UNC13C: variants seen among roughly 807,000 people sequenced by gnomAD.
UNC13C encodes protein unc-13 homolog C.
A neutral mutation model predicts 245.4 loss-of-function variants in UNC13C; 174 were observed. The ratio of observed to expected loss-of-function variants is 0.71; its 90% CI spans 0.63 to 0.80. The LOEUF is 0.80. UNC13C is among the 30% of genes least tolerant of loss of function. UNC13C has a pLI of 0.00. For synonymous variants in UNC13C, 992 were observed against 895.1 expected (o/e 1.11, Z -1.93); for missense variants, 2,829 against 2,602.9 (o/e 1.09, Z -1.89).
At chr15:53,839,772 A>G in the UNC13C span, among the ~76,000 whole-genome samples, 1 of 151,354 alleles carries the variant, frequency 6.6e-6, no homozygotes, top group Non-Finnish European at 1.5e-5. Flanking sequence ...TGGATTGATC[A>G]TTGTTGCTCT....
chr15:54,083,895 C>T (rs1899092746), intron 2 of UNC13C, among the ~76,000 whole-genome samples: 1 of 152,218 alleles, frequency 6.6e-6, no homozygotes, highest in Non-Finnish European at 1.5e-5. Context: ...ATGGTACTCA[C>T]CATCTCAGTT....
At chr15:54,108,385 C>T (rs893292384) in intron 2 of UNC13C, among the ~76,000 whole-genome samples, 24 of 152,104 alleles carry the variant, frequency 1.6e-4, no homozygotes, top group African/African-American at 5.8e-4. Context: ...GACGGGGTTT[C>T]ACCGTGTTAG....
Position 54,143,644 on chromosome 15 carries a change from T to C in UNC13C, c.3031T>C (p.Leu1011=), listed in dbSNP as rs752710347. ...EKARIVSGND[L]DASKFSALQV... Reference sequence around the variant, plus strand: ...GGCTCGAATAGTAAGTGGCAATGATTTGGATGCTTCCAAATTTTCTGCACT... The same window carrying C: ...GGCTCGAATAGTAAGTGGCAATGATCTGGATGCTTCCAAATTTTCTGCACT... The change falls in exon 4 of 33, where the codon TTG becomes CTG. Residue 1011 remains leucine (L), a synonymous_variant. Transcript: ENST00000260323. The C allele has an allele frequency of 3.1e-5, 50 of 1,613,300 alleles. No individual in the cohort carries two copies. The highest frequency in any genetic ancestry group is 1.6e-4 in the Middle Eastern group (1 of 6,082).
At chr15:54,466,808 A>G (rs1436035690) in intron 19 of UNC13C, among the ~76,000 whole-genome samples, 1 of 151,956 alleles carries the variant, frequency 6.6e-6, no homozygotes, top group Non-Finnish European at 1.5e-5. Flanking sequence ...AAAATATCAA[A>G]TAAAATTCAA....
chr15:54,521,800 G>A (rs889260665), intron 24 of UNC13C, among the ~76,000 whole-genome samples: 4 of 152,212 alleles, frequency 2.6e-5, no homozygotes, highest in Non-Finnish European at 4.4e-5. Context: ...TTAATGCAAG[G>A]TATCAGTCCA....
the UNC13C span, among the ~76,000 whole-genome samples, chr15:53,857,652 TA>T: frequency 6.6e-6 from 1 of 152,218 alleles, no homozygotes; most frequent in African/African-American, 2.4e-5. Flanking sequence ...ATACCAGTAA[TA>T]TTCTAAGATG....
At chr15:54,331,936 A>C in intron 14 of UNC13C, 107 bp from the exon 15 acceptor site, 1 of 681,292 alleles carries the variant, frequency 1.5e-6, no homozygotes. Context: ...TCATTGATAT[A>C]TTTGATCCTT....
chr15:54,143,721 A>G, intron 4 of UNC13C, 37 bp downstream of exon 4: 1 of 1,539,152 alleles, frequency 6.5e-7, no homozygotes, highest in South Asian at 1.1e-5. Context: ...TATTCCATTC[A>G]TAGATGGCAC....
the UNC13C span, among the ~76,000 whole-genome samples, chr15:53,868,178 G>A: frequency 5.3e-4 from 80 of 152,238 alleles, no homozygotes; most frequent in South Asian, 1.9e-3. Flanking sequence ...AATGGCCAGG[G>A]AGCTGCTCTC....
intron 24 of UNC13C, among the ~76,000 whole-genome samples, chr15:54,514,790 G>C (rs899481988): frequency 5.9e-5 from 9 of 152,106 alleles, no homozygotes; most frequent in Admixed American, 5.9e-4. Flanking sequence ...TCTCTGTATG[G>C]AGTTCAAATG....
At chr15:54,390,846 C>T (rs952924790) in intron 17 of UNC13C, among the ~76,000 whole-genome samples, 1 of 151,672 alleles carries the variant, frequency 6.6e-6, no homozygotes, top group African/African-American at 2.4e-5. Context: ...GAGACCTCAT[C>T]CTTTCAGCAT....
intron 2 of UNC13C, among the ~76,000 whole-genome samples, chr15:54,056,259 C>G (rs908298892): frequency 2.0e-4 from 31 of 152,168 alleles, no homozygotes; most frequent in Admixed American, 7.9e-4. Flanking sequence ...GCAGAGAAGT[C>G]CTTAAAGGAC....
At position 54,344,620 on chromosome 15, in the gene UNC13C, G is replaced by A. The variant is rs187004251; in HGVS notation, c.4713+6131G>A. Among the ~76,000 whole-genome samples, 572 of 152,126 alleles carry A rather than the reference G, an allele frequency of 3.8e-3. 2 individuals are homozygous for A. Among genetic ancestry groups the A allele is most frequent in the South Asian group, 0.017 (83 of 4,804 alleles). ...TTATTTAGGGGGTTAATGCTCTCTCGAGCCCTTTTGAAGCCATCTAGGAAT... is the reference window on the plus strand; with the variant it reads ...TTATTTAGGGGGTTAATGCTCTCTCAAGCCCTTTTGAAGCCATCTAGGAAT... On this transcript the variant is annotated intron_variant, in intron 17 of 32. Transcript: ENST00000260323.
intron 19 of UNC13C, among the ~76,000 whole-genome samples, chr15:54,460,812 T>C (rs1363232320): frequency 6.6e-6 from 1 of 152,236 alleles, no homozygotes; most frequent in Admixed American, 6.5e-5. Context: ...CCACACACTG[T>C]TCTGTCCATC....
chr15:54,020,535 G>A lies in UNC13C; in HGVS notation c.2983+4649G>A, dbSNP rs545141730. ...CCTGACCTCGTGATCTGCCTGCCTT[G>A]GCCTCCCAAAGTGTTGGGATTACAG... is the stretch of plus-strand genomic sequence containing the variant. On this transcript the variant is annotated intron_variant, in intron 2 of 32. Coordinates refer to ENST00000260323, the MANE Select transcript of UNC13C (RefSeq NM_001080534.3). 3.4e-4 allele frequency among the ~76,000 whole-genome samples: 50 copies of A among 148,420 alleles called. 1 individual carries two copies. The South Asian group carries it at 9.8e-3, about 29-fold the overall frequency.
chr15:54,374,754 T>C (rs1160524365), intron 17 of UNC13C, among the ~76,000 whole-genome samples: 3 of 152,208 alleles, frequency 2.0e-5, no homozygotes, highest in Non-Finnish European at 2.9e-5. Flanking sequence ...TCCTGGCTCC[T>C]GCTAGCTCTG....
chr15:54,555,350 G>A (rs554005819), intron 28 of UNC13C, 82 bp from the exon 29 acceptor site: 2 of 1,096,432 alleles, frequency 1.8e-6, no homozygotes, highest in African/African-American at 1.5e-5. Context: ...TGGCATATGG[G>A]GATAATACAG....
chr15:54,198,160 C>T (rs1003281159), intron 4 of UNC13C, among the ~76,000 whole-genome samples: 2 of 152,074 alleles, frequency 1.3e-5, no homozygotes, highest in African/African-American at 4.8e-5. Flanking sequence ...CCACACAGCA[C>T]ATTCATCAAG....
the UNC13C span, among the ~76,000 whole-genome samples, chr15:53,888,069 G>A: frequency 2.1e-3 from 314 of 152,186 alleles, no homozygotes; most frequent in African/African-American, 4.6e-3. Context: ...GTCCATACCC[G>A]GTAATGGGAT....
Sources: allele counts gnomAD v4.1 joint callset (sites outside exome capture counted in the v4.1 genomes callset), GRCh38; gene constraint gnomAD v4.1.1; transcripts MANE v1.5; gene names NCBI Gene and HGNC (gene_info 2026-07-23, HGNC 2026-07-21).